The following RYR2 variants were observed in gnomAD, a reference collection of about 807,000 sequenced individuals.
The protein encoded by RYR2 is cardiac muscle ryanodine receptor-calcium release channel.
RYR2 carries 227 observed loss-of-function variants against 601.1 expected under a neutral mutation model. The ratio of observed to expected loss-of-function variants is 0.38; its 90% confidence interval spans 0.34 to 0.42. The LOEUF (loss-of-function observed/expected upper bound fraction) is 0.42. RYR2 is among the 10% of genes least tolerant of loss of function. The pLI, the probability that RYR2 is intolerant of heterozygous loss-of-function variation, is 1.00. For synonymous variants in RYR2, 2,223 were observed against 2,175.1 expected, an observed-to-expected ratio of 1.02 and a Z score of -0.61; for missense variants, 4,646 against 6,156.5, an observed-to-expected ratio of 0.75 and a Z score of 8.21.
At chr1:237,310,752 A>G (rs942284915) in intron 2 of RYR2, among the ~76,000 whole-genome samples, 3 of 152,214 alleles carry the variant, frequency 2.0e-5, no homozygotes, top group African/African-American at 7.2e-5. Flanking sequence ...GTTTACAATA[A>G]TGTAATATCT....
At chr1:237,283,493 A>T (rs924298151) in intron 2 of RYR2, among the ~76,000 whole-genome samples, 3 of 152,186 alleles carry the variant, frequency 2.0e-5, no homozygotes, top group African/African-American at 7.2e-5. Context: ...TATCTCAGGT[A>T]CATAATACAG....
intron 2 of RYR2, among the ~76,000 whole-genome samples, chr1:237,315,322 T>A (rs1373597329): frequency 6.6e-6 from 1 of 152,162 alleles, no homozygotes; most frequent in Non-Finnish European, 1.5e-5. Flanking sequence ...GAAGATACTA[T>A]GTTTTTTTTC....
intron 26 of RYR2, 89 bp from the exon 27 acceptor site, chr1:237,550,455 G>T: frequency 6.8e-7 from 1 of 1,465,036 alleles, no homozygotes; most frequent in South Asian, 1.3e-5. Context: ...TTTTTCTCAT[G>T]GAATTTAAAG....
chr1:237,327,086 C>T (rs1486553866), intron 2 of RYR2, among the ~76,000 whole-genome samples: 1 of 152,084 alleles, frequency 6.6e-6, no homozygotes. Context: ...GATCATTTTT[C>T]TTTAGAGCAA....
intron 17 of RYR2, among the ~76,000 whole-genome samples, chr1:237,477,118 T>C (rs34297871): frequency 0.027 from 4,078 of 152,148 alleles, 71 homozygotes; most frequent in Non-Finnish European, 0.04. Context: ...ATCAGCCGGG[T>C]GTGGTGGCTC....
chr1:237,427,081 C>T (rs892990043), intron 12 of RYR2, among the ~76,000 whole-genome samples: 2 of 152,040 alleles, frequency 1.3e-5, no homozygotes, highest in African/African-American at 4.8e-5. Context: ...AATATAATAC[C>T]ATTTACTAAA....
chr1:237,659,475 A>C (rs999526830), intron 54 of RYR2, among the ~76,000 whole-genome samples: 1 of 152,188 alleles, frequency 6.6e-6, no homozygotes, highest in African/African-American at 2.4e-5. Context: ...ATTTGATGAA[A>C]GAATGGGTAA....
chr1:237,352,941 A>G (rs1422048667), intron 3 of RYR2: 5 of 468,088 alleles, frequency 1.1e-5, no homozygotes, highest in African/African-American at 7.9e-5. Flanking sequence ...GTATGTCGCA[A>G]CTTTCATGGG....
At chr1:237,188,042 C>T (rs1039807942) in intron 1 of RYR2, among the ~76,000 whole-genome samples, 9 of 152,188 alleles carry the variant, frequency 5.9e-5, no homozygotes, top group Admixed American at 5.9e-4. Flanking sequence ...ATGACTCAGC[C>T]AGCAGAATTG....
At chr1:237,496,904 A>T (rs1664133244) in intron 20 of RYR2, among the ~76,000 whole-genome samples, 152 bp downstream of exon 20, 1 of 152,214 alleles carries the variant, frequency 6.6e-6, no homozygotes, top group Non-Finnish European at 1.5e-5. Context: ...GTGTTGAGGA[A>T]CAAGCAGTAT....
chr1:237,642,970 A>G (rs1005453991), intron 47 of RYR2, among the ~76,000 whole-genome samples: 1 of 152,154 alleles, frequency 6.6e-6, no homozygotes, highest in African/African-American at 2.4e-5. Flanking sequence ...ATTATTGCTC[A>G]TGTTATTGAT....
At chr1:237,584,665 T>TTTTTTG (rs1674324720) in intron 29 of RYR2, among the ~76,000 whole-genome samples, 1 of 141,010 alleles carries the variant, frequency 7.1e-6, no homozygotes, top group Non-Finnish European at 1.5e-5. Flanking sequence ...TTTTTTTTTT[T>TTTTTTG]TTTTTTTTGA....
At chr1:237,693,145 T>C (rs1434802070) in intron 63 of RYR2, among the ~76,000 whole-genome samples, 1 of 152,152 alleles carries the variant, frequency 6.6e-6, no homozygotes, top group Non-Finnish European at 1.5e-5. Flanking sequence ...CTTTGTTTAT[T>C]TTGCTTAAGA....
chr1:237,073,083 G>C (rs1254227002), intron 1 of RYR2, among the ~76,000 whole-genome samples: 1 of 152,132 alleles, frequency 6.6e-6, no homozygotes, highest in Admixed American at 6.6e-5. Flanking sequence ...ACCTAGTGTA[G>C]AGGACTATGA....
intron 1 of RYR2, among the ~76,000 whole-genome samples, chr1:237,230,721 C>A (rs542127506): frequency 1.3e-5 from 2 of 152,196 alleles, no homozygotes; most frequent in Non-Finnish European, 2.9e-5. Context: ...GAGTTCAAGA[C>A]CAGCCTGGCC....
rs1694860357 is a variant in RYR2 at position 237,778,708 on chromosome 1, C to T, written c.11818C>T (p.Leu3940=). The T allele has an allele frequency of 6.2e-7, 1 of 1,611,554 alleles. No homozygotes were observed. The highest frequency in any genetic ancestry group is 8.5e-7 in the Non-Finnish European group (1 of 1,178,034). The change falls in exon 88 of 105, where the codon CTG becomes TTG. Residue 3940 remains leucine (L), a synonymous_variant. Transcript: ENST00000366574. ...GNQQSLAHSR[L]WDAVVGFLHV... ...TCAACAGAGTTTGGCACACAGCAGG[C>T]TGTGGGATGCTGTGGTCGGCTTTCT...
At chr1:237,675,016 G>A (rs181718401) in intron 60 of RYR2, among the ~76,000 whole-genome samples, 170 bp downstream of exon 60, 1 of 152,184 alleles carries the variant, frequency 6.6e-6, no homozygotes, top group Admixed American at 6.5e-5. Context: ...CAAGTTCTTG[G>A]GGAGTGGGTA....
At chr1:237,573,367 T>A (rs1253436269) in intron 29 of RYR2, among the ~76,000 whole-genome samples, 3 of 151,990 alleles carry the variant, frequency 2.0e-5, no homozygotes, top group Non-Finnish European at 4.4e-5. Flanking sequence ...TTGACCTTTC[T>A]ATCTATTGCA....
chr1:237,472,555 TACA>T (rs1660850712), intron 17 of RYR2, among the ~76,000 whole-genome samples: 2 of 152,204 alleles, frequency 1.3e-5, no homozygotes, highest in African/African-American at 2.4e-5. Context: ...TAAATTATAT[TACA>T]ACAACATTTT....
Sources: allele counts gnomAD v4.1 joint callset (sites outside exome capture counted in the v4.1 genomes callset), GRCh38; gene constraint gnomAD v4.1.1; transcripts MANE v1.5; gene names NCBI Gene and HGNC (gene_info 2026-07-23, HGNC 2026-07-21).